The following ODF2L variants were observed in gnomAD, a reference collection of about 807,000 sequenced individuals.
ODF2L encodes the protein protein BCAP.
ODF2L carries 76 observed loss-of-function variants against 86.3 expected under a neutral mutation model. The ratio of observed to expected loss-of-function variants is 0.88; its 90% CI spans 0.73 to 1.07. The LOEUF is 1.07. Among genes scored for constraint, ODF2L ranks in the 50% least tolerant of loss-of-function variants. The pLI is 0.00. For synonymous variants in ODF2L, 241 were observed against 231.3 expected (o/e 1.04, Z -0.38); for missense variants, 748 against 717.4 (o/e 1.04, Z -0.49).
chr1:86,367,482 GC>G (rs1448443769), intron 11 of ODF2L, among the ~76,000 whole-genome samples: 1 of 151,240 alleles, frequency 6.6e-6, no homozygotes, highest in African/African-American at 2.4e-5. Context: ...AAGACAGAAG[GC>G]CCAAAGTAGA....
intron 17 of ODF2L, among the ~76,000 whole-genome samples, chr1:86,352,524 A>G (rs1179263679): frequency 6.6e-6 from 1 of 152,178 alleles, no homozygotes; most frequent in Non-Finnish European, 1.5e-5. Flanking sequence ...AATAGTTTAC[A>G]CTGTGTTTAT....
At position 86,390,330 on chromosome 1, in the gene ODF2L, G is replaced by T. The variant is rs74859196; in HGVS notation, c.-59-3244C>A. Among the ~76,000 whole-genome samples, 1,691 of 152,168 alleles carry T rather than the reference G, an allele frequency of 0.011. 68 individuals are homozygous for T. In the East Asian group the frequency reaches 0.12, roughly 10 times the overall value. On this transcript the variant is annotated intron_variant, in intron 1 of 17. Transcript: ENST00000317336. ...CAGCTACTCAGGAGGCTGAGGCAGA[G>T]AATTGCTTGAACCCAGGAGGCGGAG...
exon 14 of ODF2L, chr1:86,356,479 C>A: frequency 6.2e-7 from 1 of 1,613,854 alleles, no homozygotes; most frequent in Non-Finnish European, 8.5e-7. Flanking sequence ...TGTTCCTGGT[C>A]TGCACACTTC....
chr1:86,368,663 A>G, exon 11 of ODF2L: 1 of 1,450,728 alleles, frequency 6.9e-7, no homozygotes, highest in East Asian at 2.6e-5. Context: ...AGCAAAGCAT[A>G]TCAAGAACAA....
At chr1:86,383,544 A>G (rs542089343) in intron 4 of ODF2L, among the ~76,000 whole-genome samples, 1 of 151,896 alleles carries the variant, frequency 6.6e-6, no homozygotes, top group East Asian at 1.9e-4. Context: ...AATTATCAAC[A>G]ATCTAAATTC....
At chr1:86,369,631 G>C (rs1268644321) in intron 10 of ODF2L, among the ~76,000 whole-genome samples, 1 of 152,100 alleles carries the variant, frequency 6.6e-6, no homozygotes, top group Non-Finnish European at 1.5e-5. Context: ...GAATCTTTTT[G>C]GCTTAGGCAA....
chr1:86,357,227 G>T (rs1032899474), intron 13 of ODF2L, among the ~76,000 whole-genome samples: 2 of 152,166 alleles, frequency 1.3e-5, no homozygotes, highest in African/African-American at 4.8e-5. Context: ...GTGAAAAGCA[G>T]CAACCTTAAG....
chr1:86,362,706 T>C (rs749859453), intron 11 of ODF2L, among the ~76,000 whole-genome samples: 2 of 151,164 alleles, frequency 1.3e-5, no homozygotes, highest in Non-Finnish European at 3.0e-5. Context: ...GTTGCCCAGG[T>C]TGGAGAGCAG....
intron 1 of ODF2L, among the ~76,000 whole-genome samples, chr1:86,390,196 G>A (rs1437945132): frequency 2.0e-5 from 3 of 152,204 alleles, no homozygotes; most frequent in South Asian, 2.1e-4. Context: ...GCTGAAGCGG[G>A]TGGATCGTGA....
chr1:86,367,776 A>T (rs1384698575), intron 11 of ODF2L, among the ~76,000 whole-genome samples: 1 of 152,214 alleles, frequency 6.6e-6, no homozygotes, highest in East Asian at 1.9e-4. Flanking sequence ...CAGGTTATAT[A>T]ACAAATTGTC....
intron 15 of ODF2L, 38 bp from the exon 15 acceptor site, chr1:86,354,730 G>T: frequency 6.5e-7 from 1 of 1,549,928 alleles, no homozygotes; most frequent in Non-Finnish European, 8.9e-7. Flanking sequence ...ATGTTAATGT[G>T]CAGAGAAATA....
intron 6 of ODF2L, among the ~76,000 whole-genome samples, chr1:86,382,565 A>C (rs902464666): frequency 6.6e-6 from 1 of 151,980 alleles, no homozygotes; most frequent in African/African-American, 2.4e-5. Flanking sequence ...TTTTTATTTA[A>C]TGGCTTTCTT....
intron 17 of ODF2L, 151 bp downstream of exon 16, chr1:86,352,708 A>C (rs3765509): frequency 6.1e-6 from 3 of 493,450 alleles, no homozygotes; most frequent in Admixed American, 8.3e-5. Context: ...TTGGCATATC[A>C]TAACATTTTT....
At chr1:86,364,515 A>G (rs567542506) in intron 11 of ODF2L, among the ~76,000 whole-genome samples, 1 of 152,222 alleles carries the variant, frequency 6.6e-6, no homozygotes, top group Non-Finnish European at 1.5e-5. Flanking sequence ...ATGAGTATTC[A>G]TATTTGGCTA....
chr1:86,352,965 T>C, exon 17 of ODF2L: 1 of 1,522,054 alleles, frequency 6.6e-7, no homozygotes, highest in South Asian at 1.2e-5. Context: ...AGATGACATT[T>C]TCTCTATTTC....
intron 11 of ODF2L, among the ~76,000 whole-genome samples, chr1:86,368,330 T>C (rs370365078): frequency 3.9e-5 from 6 of 152,288 alleles, no homozygotes; most frequent in Admixed American, 3.3e-4. Flanking sequence ...ACATGTCTTT[T>C]AGTTGTATTA....
At chr1:86,357,589 AT>A (rs1381071822) in intron 13 of ODF2L, 1 of 166,032 alleles carries the variant, frequency 6.0e-6, no homozygotes, top group African/African-American at 3.0e-5. Flanking sequence ...CTGATGGTAT[AT>A]AAAGTAAAAC....
chr1:86,382,265 C>A (rs373486073), exon 7 of ODF2L: 1 of 1,610,676 alleles, frequency 6.2e-7, no homozygotes, highest in Admixed American at 1.7e-5. Context: ...TTCAACTTAT[C>A]GTTCTCGGCT....
At chr1:86,353,689 G>A (rs570729585) in intron 16 of ODF2L, among the ~76,000 whole-genome samples, 17 of 152,234 alleles carry the variant, frequency 1.1e-4, no homozygotes, top group South Asian at 6.2e-4. Flanking sequence ...CTATGAACTC[G>A]GTTCTAAGTT....
Sources: allele counts gnomAD v4.1 joint callset (sites outside exome capture counted in the v4.1 genomes callset), GRCh38; gene constraint gnomAD v4.1.1; transcripts MANE v1.5; gene names NCBI Gene and HGNC (gene_info 2026-07-23, HGNC 2026-07-21).